Variants in PLCL2 observed in about 807,000 individuals in gnomAD.
The protein encoded by PLCL2 is inactive phospholipase C-like protein 2.
Under a neutral mutation model 79.6 loss-of-function variants are expected in PLCL2, and 4 were observed. The observed-to-expected ratio is 0.05, with a 90% CI of 0.02 to 0.11. The LOEUF (loss-of-function observed/expected upper bound fraction) is 0.11, where lower values mean the gene tolerates loss of function less well. Among genes scored for constraint, PLCL2 ranks in the 10% least tolerant of loss-of-function variants. The pLI is 1.00. For missense variants in PLCL2, 895 were observed against 1,291.0 expected (o/e 0.69, Z 4.70); for synonymous variants, 484 against 457.7 (o/e 1.06, Z -0.73).
At chr3:16,985,698 A>G (rs567301740) in intron 1 of PLCL2, among the ~76,000 whole-genome samples, 1 of 152,302 alleles carries the variant, frequency 6.6e-6, no homozygotes, top group East Asian at 1.9e-4. Flanking sequence ...AAAACTGTGC[A>G]GTTCCTAGGA....
chr3:16,938,276 G>A (rs73037013), intron 1 of PLCL2, among the ~76,000 whole-genome samples: 1,941 of 152,278 alleles, frequency 0.013, 27 homozygotes, highest in Non-Finnish European at 0.02. Flanking sequence ...TTGTAATGCA[G>A]TTTTAAAGGG....
intron 3 of PLCL2, among the ~76,000 whole-genome samples, chr3:17,031,041 A>T (rs1188585430): frequency 6.6e-6 from 1 of 152,196 alleles, no homozygotes; most frequent in African/African-American, 2.4e-5. Context: ...AGTGACTTGA[A>T]AGAGTTAACG....
chr3:17,034,376 T>G (rs572541901), intron 3 of PLCL2, among the ~76,000 whole-genome samples: 5 of 152,304 alleles, frequency 3.3e-5, no homozygotes, highest in African/African-American at 9.6e-5. Context: ...GGAAAATGAA[T>G]AAATAAATGA....
intron 1 of PLCL2, among the ~76,000 whole-genome samples, chr3:16,999,158 G>T (rs2064182358): frequency 6.6e-6 from 1 of 151,922 alleles, no homozygotes; most frequent in African/African-American, 2.4e-5. Context: ...AAGACTTTGA[G>T]AAATGGTTTT....
At chr3:17,014,635 T>C (rs1281841564) in intron 2 of PLCL2, 73 bp from the exon 3 acceptor site, 3 of 1,147,158 alleles carry the variant, frequency 2.6e-6, no homozygotes, top group Non-Finnish European at 3.9e-6. Flanking sequence ...TAATCAGATA[T>C]ATCAAATATA....
chr3:17,080,191 G>C (rs566454480), intron 5 of PLCL2, among the ~76,000 whole-genome samples: 1 of 152,176 alleles, frequency 6.6e-6, no homozygotes, highest in African/African-American at 2.4e-5. Context: ...CTCTTAAAAT[G>C]AGCCTAACGT....
At chr3:16,955,819 GCTCT>G (rs1428636495) in intron 1 of PLCL2, among the ~76,000 whole-genome samples, 2 of 152,018 alleles carry the variant, frequency 1.3e-5, no homozygotes, top group East Asian at 1.9e-4. Flanking sequence ...TCATGATTTG[GCTCT>G]CTGTTTGTCT....
intron 4 of PLCL2, among the ~76,000 whole-genome samples, chr3:17,043,487 A>G (rs1222664515): frequency 1.3e-5 from 2 of 152,196 alleles, no homozygotes; most frequent in African/African-American, 4.8e-5. Context: ...CAATCATCCC[A>G]TTAATTTTAG....
In PLCL2 at chr3:16,946,953, CTT is replaced by C. The variant is rs1056023349; in HGVS notation, c.327+61606_327+61607del. Among the ~76,000 whole-genome samples the C allele has an allele frequency of 3.6e-3, 341 of 95,394 alleles. 6 individuals carry two copies. The highest frequency in any genetic ancestry group is 4.6e-3 in the African/African-American group (105 of 23,028). The allele number at this position is 95,394 out of a possible 152,430, so 62.6% of individuals were successfully genotyped here. On this transcript the variant is annotated intron_variant, in intron 1 of 5. Coordinates refer to ENST00000615277, the MANE Select transcript of PLCL2 (RefSeq NM_001144382.2). ...ATGAATATAAAATTAAAGTTTCATTCTTTTTTTTTTTTTTTTTTTTGAGACAG... is the reference window on the plus strand; with the variant it reads ...ATGAATATAAAATTAAAGTTTCATTCTTTTTTTTTTTTTTTTTTGAGACAG...
chr3:16,961,823 G>T (rs777867216), intron 1 of PLCL2, among the ~76,000 whole-genome samples: 13 of 152,172 alleles, frequency 8.5e-5, no homozygotes, highest in South Asian at 2.1e-4. Context: ...GAAGAATCTT[G>T]ACCTTCCCAG....
At chr3:17,007,834 A>G (rs974854839) in intron 1 of PLCL2, among the ~76,000 whole-genome samples, 5 of 152,228 alleles carry the variant, frequency 3.3e-5, no homozygotes, top group African/African-American at 9.6e-5. Flanking sequence ...ATATAATTCC[A>G]ACTCCCATCC....
At chr3:17,049,223 TAAAGG>T (rs1373804062) in intron 4 of PLCL2, among the ~76,000 whole-genome samples, 1 of 152,104 alleles carries the variant, frequency 6.6e-6, no homozygotes, top group Non-Finnish European at 1.5e-5. Flanking sequence ...CAATTTAAAG[TAAAGG>T]ATCCAAAGCT....
At position 17,010,510 on chromosome 3, in the gene PLCL2, T is replaced by C; in HGVS notation, c.1164T>C (p.Tyr388=). Residue 388 remains tyrosine (Y), a synonymous_variant, in exon 2 of 6, where the codon TAT becomes TAC. Coordinates refer to ENST00000615277, the MANE Select transcript of PLCL2 (RefSeq NM_001144382.2). This position sits in a 1 kb window ranked among gnomAD's most constrained non-coding sequence, Gnocchi z 5.8. ...EEISLEIIHK[Y]EPSKEGQEKG... ...TAAGCCTTGAAATTATTCACAAATA[T>C]GAACCATCCAAAGAGGGTCAGGAAA... 1 of 1,614,062 alleles carries C rather than the reference T, an allele frequency of 6.2e-7. No individual in the cohort carries two copies.
In PLCL2 at chr3:17,079,102, C is replaced by T. The variant is rs145667612; in HGVS notation, c.3205-10631C>T. 2.0e-3 allele frequency among the ~76,000 whole-genome samples: 303 copies of T among 152,240 alleles called. 2 individuals are homozygous for T. The highest frequency in any genetic ancestry group is 3.4e-3 in the Middle Eastern group (1 of 292). The stretch of plus-strand genomic sequence containing the variant: ...AATGGTGTGCTTGAAAGATTAATAG[C>T]GCGAAGGAGGTGCTTACGTGCATGC... On this transcript the variant is annotated intron_variant, in intron 5 of 5. Transcript: ENST00000615277.
chr3:16,902,393 T>C (rs1345002343), intron 1 of PLCL2, among the ~76,000 whole-genome samples: 2 of 152,228 alleles, frequency 1.3e-5, no homozygotes, highest in African/African-American at 2.4e-5. Flanking sequence ...GTGATTTCCA[T>C]GCATTTACCT....
At chr3:17,061,988 C>G (rs533436285) in intron 4 of PLCL2, among the ~76,000 whole-genome samples, 102 of 152,226 alleles carry the variant, frequency 6.7e-4, no homozygotes, top group African/African-American at 2.4e-3. Flanking sequence ...AAAGAAATTG[C>G]GGCAGGTTTC....
chr3:16,904,028 A>G (rs143388738), intron 1 of PLCL2, among the ~76,000 whole-genome samples: 1 of 152,272 alleles, frequency 6.6e-6, no homozygotes, highest in East Asian at 1.9e-4. Flanking sequence ...GTGGCAATGG[A>G]TATCTTTGAA....
At chr3:16,936,961 T>C (rs539514314) in intron 1 of PLCL2, among the ~76,000 whole-genome samples, 70 of 152,294 alleles carry the variant, frequency 4.6e-4, no homozygotes, top group African/African-American at 1.2e-3. Flanking sequence ...GGATAATTTT[T>C]GGCGGGGTGA....
chr3:16,911,638 C>G (rs2124928367), intron 1 of PLCL2, among the ~76,000 whole-genome samples: 1 of 152,298 alleles, frequency 6.6e-6, no homozygotes, highest in East Asian at 1.9e-4. Context: ...GCTGGACTCC[C>G]AGAGTTCATG....
Sources: allele counts gnomAD v4.1 joint callset (sites outside exome capture counted in the v4.1 genomes callset), GRCh38; gene constraint gnomAD v4.1.1; non-coding constraint Gnocchi (gnomAD v3.1); transcripts MANE v1.5; gene names NCBI Gene and HGNC (gene_info 2026-07-23, HGNC 2026-07-21).